PUDP: variants seen among roughly 807,000 people sequenced by gnomAD.
PUDP encodes pseudouridine 5'-phosphatase, also known as pseudouridine-5'-phosphatase.
PUDP carries 8 observed loss-of-function variants against 9.4 expected under a neutral mutation model. The observed-to-expected ratio is 0.85, with a 90% CI of 0.50 to 1.53. PUDP has a LOEUF of 1.53. Among genes scored for constraint, PUDP ranks in the 40% most tolerant of loss-of-function variants. The pLI, the probability that PUDP is intolerant of heterozygous loss-of-function variation, is 0.00. For synonymous variants in PUDP, 99 were observed against 80.7 expected, an observed-to-expected ratio of 1.23 and a Z score of -1.22; for missense variants, 188 against 189.7, an observed-to-expected ratio of 0.99 and a Z score of 0.05.
chrX:6,734,154 C>T (rs1305896679), intron 3 of PUDP, among the ~76,000 whole-genome samples: 1 of 110,688 alleles, frequency 9.0e-6, no homozygotes, highest in African/African-American at 3.3e-5. Context: ...CAAAGCTCAA[C>T]AAAAAAATCT....
chrX:6,839,915 C>CA (rs1926641224), intron 3 of PUDP, among the ~76,000 whole-genome samples: 1 of 110,683 alleles, frequency 9.0e-6, no homozygotes, highest in Non-Finnish European at 1.9e-5. Flanking sequence ...CCCATACACA[C>CA]AAAAAAACTG....
intron 3 of PUDP, among the ~76,000 whole-genome samples, chrX:6,738,431 A>C (rs1924898768): frequency 9.0e-6 from 1 of 111,712 alleles, no homozygotes; most frequent in African/African-American, 3.3e-5. Context: ...GGGGAGGCTT[A>C]AAGAATCCTG....
At chrX:6,982,039 CACACACACACACAT>C (rs976704936) in intron 1 of PUDP, among the ~76,000 whole-genome samples, 2 of 104,716 alleles carry the variant, frequency 1.9e-5, no homozygotes, top group African/African-American at 7.2e-5. Flanking sequence ...CACACACACA[CACACACACACACAT>C]ACACACACGC....
chrX:6,890,765 G>A (rs758017848), intron 3 of PUDP, among the ~76,000 whole-genome samples: 1 of 108,156 alleles, frequency 9.2e-6, no homozygotes, highest in Admixed American at 1.0e-4. Flanking sequence ...TGGAGTCCAC[G>A]TGAATAAATC....
intron 1 of PUDP, among the ~76,000 whole-genome samples, chrX:7,022,396 G>A (rs1193163074): frequency 8.9e-6 from 1 of 111,945 alleles, no homozygotes; most frequent in East Asian, 2.8e-4. Flanking sequence ...TTAAAACTAG[G>A]AGTACAGCAA....
At chrX:7,128,051 T>C (rs1277518430) in intron 1 of PUDP, among the ~76,000 whole-genome samples, 1 of 111,578 alleles carries the variant, frequency 9.0e-6, no homozygotes, top group African/African-American at 3.3e-5. Flanking sequence ...ACTAGATTTT[T>C]TGTTTTTGGT....
rs202105419 is a variant in PUDP, at chrX:7,007,964, AT to A, written c.205-29622del. ...GGGCTTTATTATGGATAATAATAAAATTTTTTTTTTCTTTTTTGAGATGGAG... is the reference window on the plus strand; with the variant it reads ...GGGCTTTATTATGGATAATAATAAAATTTTTTTTTCTTTTTTGAGATGGAG... On this transcript the variant is annotated intron_variant and NMD_transcript_variant, in intron 1 of 3. Transcript: ENST00000655425. 6.2e-3 allele frequency among the ~76,000 whole-genome samples: 673 copies of A among 108,552 alleles called. 8 individuals carry two copies. The highest frequency in any genetic ancestry group is 0.021 in the African/African-American group (620 of 29,762). 94.3% of individuals were successfully genotyped at this position (108,552 alleles called of 115,157 possible).
chrX:6,720,250 G>A (rs1216964462), intron 1 of PUDP, among the ~76,000 whole-genome samples: 1 of 35,886 alleles, frequency 2.8e-5, no homozygotes, highest in African/African-American at 1.4e-4. Flanking sequence ...ATGTATGTGT[G>A]TGTGTGTGTA....
At chrX:6,740,956 C>T (rs1409885644) in intron 3 of PUDP, among the ~76,000 whole-genome samples, 2 of 111,321 alleles carry the variant, frequency 1.8e-5, no homozygotes, top group Non-Finnish European at 3.8e-5. Flanking sequence ...GTCAGGAGTT[C>T]GAGACCAACC....
chrX:6,706,084 C>T (rs1298786645), intron 2 of PUDP, among the ~76,000 whole-genome samples: 1 of 112,118 alleles, frequency 8.9e-6, no homozygotes, highest in African/African-American at 3.2e-5. Flanking sequence ...CACAAAAGGA[C>T]AAATATTGTA....
Position 7,148,135 on chromosome X carries a change from G to A in PUDP, c.-22C>T, listed in dbSNP as rs1185144943. The A allele has an allele frequency of 9.2e-7, 1 of 1,090,284 alleles. No individual in the cohort carries two copies. The highest frequency in any genetic ancestry group is 3.9e-5 in the East Asian group (1 of 25,684). The allele number at this position is 1,090,284 out of a possible 1,213,427, so 89.9% of individuals were successfully genotyped here. A position where few individuals can be genotyped will look rare whatever the true frequency, so the allele number is the denominator to read the frequency against. ...CCATGGTGGCGCCTTCTGGGTCTGG[G>A]TGGGGGCGAGGAGGAAGTGCGCGCG... is the stretch of plus-strand genomic sequence containing the variant. On this transcript the variant is annotated 5_prime_UTR_variant, in exon 1 of 4. Coordinates refer to ENST00000381077, the MANE Select transcript of PUDP (RefSeq NM_012080.5).
chrX:7,096,146 T>C (rs1931565737), intron 2 of PUDP, among the ~76,000 whole-genome samples: 1 of 111,833 alleles, frequency 8.9e-6, no homozygotes, highest in African/African-American at 3.3e-5. Context: ...CAGTGACAAT[T>C]CATTTAAGAG....
At chrX:6,899,792 C>T (rs1185346610) in intron 3 of PUDP, among the ~76,000 whole-genome samples, 4 of 111,120 alleles carry the variant, frequency 3.6e-5, no homozygotes, top group East Asian at 5.6e-4. Context: ...TCCATACTAA[C>T]GCTGACTGTG....
chrX:6,740,748 C>T (rs757225496), intron 3 of PUDP, among the ~76,000 whole-genome samples: 1 of 112,181 alleles, frequency 8.9e-6, no homozygotes, highest in South Asian at 3.7e-4. Flanking sequence ...ACCAAGAGGG[C>T]TGATAATGAT....
chrX:6,727,994 A>G lies in PUDP; in HGVS notation c.*248-21528T>C, dbSNP rs191460119. 5.2e-4 allele frequency among the ~76,000 whole-genome samples: 58 copies of G among 111,849 alleles called. No individual in the cohort carries two copies. The East Asian group carries it at 5.9e-3, about 11-fold the overall frequency. ...TGTATTAGTCCATTTTCATGCTGCT[A>G]ATAAAGACATACCTGAGACTGGGGA... is the stretch of plus-strand genomic sequence containing the variant. On this transcript the variant is annotated intron_variant and NMD_transcript_variant, in intron 3 of 3. Coordinates refer to the PUDP transcript ENST00000655425.
intron 1 of PUDP, among the ~76,000 whole-genome samples, chrX:7,110,614 G>A (rs757172799): frequency 8.9e-6 from 1 of 112,120 alleles, no homozygotes; most frequent in East Asian, 2.8e-4. Context: ...CTTTGTGTGA[G>A]CAATAAAGCT....
At chrX:6,856,810 G>T (rs1169314973) in intron 3 of PUDP, among the ~76,000 whole-genome samples, 1 of 111,770 alleles carries the variant, frequency 8.9e-6, no homozygotes, top group Non-Finnish European at 1.9e-5. Context: ...GAGGAAAGCA[G>T]ATCGCCCTCC....
intron 1 of PUDP, among the ~76,000 whole-genome samples, chrX:6,980,817 A>G (rs770686662): frequency 1.8e-5 from 2 of 111,682 alleles, no homozygotes; most frequent in Non-Finnish European, 3.8e-5. Context: ...AAGATGATTT[A>G]AAGTATATGG....
chrX:7,071,333 C>T (rs1312364052), intron 3 of PUDP, among the ~76,000 whole-genome samples: 1 of 111,317 alleles, frequency 9.0e-6, no homozygotes, highest in Non-Finnish European at 1.9e-5. Context: ...GGCACTTCCT[C>T]CTCCCTTACT....
Sources: allele counts gnomAD v4.1 joint callset (sites outside exome capture counted in the v4.1 genomes callset), GRCh38; gene constraint gnomAD v4.1.1; transcripts MANE v1.5; gene names NCBI Gene and HGNC (gene_info 2026-07-23, HGNC 2026-07-21).